The following PNPLA6 variants were observed in gnomAD, a reference collection of about 807,000 sequenced individuals.
The protein encoded by PNPLA6 is patatin like domain 6, lysophospholipase, also known as patatin-like phospholipase domain-containing protein 6.
A neutral mutation model predicts 153.7 loss-of-function variants in PNPLA6; 105 were observed. That is an observed-to-expected ratio of 0.68 (90% CI 0.58 to 0.80). The LOEUF is 0.80. PNPLA6 is among the 30% of genes least tolerant of loss of function. The probability of loss-of-function intolerance (pLI) is 0.00; values close to 1 mark genes in which losing one functional copy is unlikely to be tolerated. For synonymous variants in PNPLA6, 825 were observed against 822.2 expected (o/e 1.00, Z -0.06); for missense variants, 1,423 against 1,919.3 (o/e 0.74, Z 4.83).
Position 7,545,667 on chromosome 19 carries a change from C to T in PNPLA6, c.1608+2583C>T, listed in dbSNP as rs1259982197. On this transcript the variant is annotated intron_variant, in intron 13 of 31. Coordinates refer to ENST00000600737, the MANE Select transcript of PNPLA6 (RefSeq NM_001166114.2). ...TGGCTCACGCCTGTAATCCCAGCAC[C>T]TTGGGAGGCCGAGGTGAGAGGATCA... Among the ~76,000 whole-genome samples the T allele has an allele frequency of 3.3e-5, 5 of 151,764 alleles. No individual in the cohort carries two copies. In the East Asian group the frequency reaches 9.8e-4, roughly 30 times the overall value.
Position 7,541,102 on chromosome 19 carries a change from C to T in PNPLA6, c.924+51C>T. 2 of 1,579,770 alleles carry T rather than the reference C, an allele frequency of 1.3e-6. No individual in the cohort carries two copies. The highest frequency in any genetic ancestry group is 1.1e-5 in the South Asian group (1 of 87,540). ...CCCCCTGAGGGACCCCACCCTGGCC[C>T]CCACCCATTCCAGGCTCCAAGGGAC... On this transcript the variant is annotated intron_variant, in intron 7 of 31. Transcript: ENST00000600737. The surrounding 1 kb of genome is among the most constrained non-coding windows in gnomAD (Gnocchi z 5.2).
chr19:7,561,548 G>A lies in PNPLA6; in HGVS notation c.4084G>A (p.Ala1362Thr). Residue 1362 changes from alanine (A) to threonine (T), a missense_variant, in exon 32 of 32, where the codon GCC becomes ACC. By Grantham distance (58) the Ala-to-Thr change is moderately conservative (BLOSUM62 0). Around this residue, in one of 10 missense-constraint regions of PNPLA6, gnomAD observed 643 missense variants for 835.2 expected, o/e 0.77. Coordinates refer to ENST00000600737, the MANE Select transcript of PNPLA6 (RefSeq NM_001166114.2). The stretch of plus-strand genomic sequence containing the variant: ...TCTGCCCCAGGAGCCGCCCGGCTCA[G>A]CCACAGATGCCTGAGGACCTCGACA... ...RCLPQEPPGS[A>T]TDA is the part of the protein sequence containing the mutation. The A allele has an allele frequency of 6.2e-7, 1 of 1,603,962 alleles. No individual in the cohort carries two copies. The highest frequency in any genetic ancestry group is 8.5e-7 in the Non-Finnish European group (1 of 1,176,538).
chr19:7,551,207 C>A (rs879305751), intron 17 of PNPLA6, 100 bp downstream of exon 17: 5 of 444,162 alleles, frequency 1.1e-5, no homozygotes, highest in African/African-American at 3.2e-5. Context: ...GGGGCGGGGT[C>A]GAGGGAGGGG....
upstream of PNPLA6, chr19:7,535,605 G>T (rs779578694): frequency 6.3e-7 from 1 of 1,596,710 alleles, no homozygotes; most frequent in South Asian, 1.1e-5. This position sits in a 1 kb window ranked among gnomAD's most constrained non-coding sequence, Gnocchi z 5.0. Flanking sequence ...GACCGGGTAG[G>T]TGCCGGCGTG....
rs1414924319 is a variant in PNPLA6, at chr19:7,550,391, C to T, written c.1908C>T (p.Ile636=). 12 of 1,611,932 alleles carry T rather than the reference C, an allele frequency of 7.4e-6. No individual in the cohort carries two copies. The highest frequency in any genetic ancestry group is 1.7e-5 in the Admixed American group (1 of 60,020). The stretch of plus-strand genomic sequence containing the variant: ...TCGTGCGCCAGATGGACTTCGCCAT[C>T]GACTGGACTGCAGTGGAGGCGGGAC... ...SPFVRQMDFA[I]DWTAVEAGRA... Residue 636 remains isoleucine (I), a synonymous_variant, in exon 15 of 32, where the codon ATC becomes ATT. Coordinates refer to ENST00000600737, the MANE Select transcript of PNPLA6 (RefSeq NM_001166114.2).
intron 3 of PNPLA6, among the ~76,000 whole-genome samples, chr19:7,537,597 C>G (rs887107644): frequency 5.3e-5 from 8 of 152,152 alleles, no homozygotes; most frequent in Admixed American, 2.6e-4. Context: ...GGGCAGGGCT[C>G]TCCATGATCA....
At position 7,550,544 on chromosome 19, in the gene PNPLA6, C is replaced by A. The variant is rs1568416053; in HGVS notation, c.1974C>A (p.Tyr658Ter). ...AGGGCGACCGCTCCGACTGCACTTA[C>A]ATCGTGCTCAATGGGCGGCTGCGTA... ...YRQGDRSDCT[Y>*]IVLNGRLRSV... The change falls in exon 16 of 32, where the codon TAC (tyrosine) becomes TAA (stop). Residue 658 changes from tyrosine to a stop codon, truncating the protein, a stop_gained. Transcript: ENST00000600737. LOFTEE classifies it high-confidence loss of function. 6.2e-7 allele frequency: 1 copy of A among 1,613,282 alleles called. No homozygotes were observed. The highest frequency in any genetic ancestry group is 2.2e-5 in the East Asian group (1 of 44,870).
At chr19:7,549,688 C>A in intron 13 of PNPLA6, 1 of 590,800 alleles carries the variant, frequency 1.7e-6, no homozygotes, top group Non-Finnish European at 3.0e-6. Flanking sequence ...GGTTTCGCCA[C>A]GTTGGCCAGG....
chr19:7,549,191 C>CT (rs144394695), intron 13 of PNPLA6, among the ~76,000 whole-genome samples: 185 of 138,850 alleles, frequency 1.3e-3, no homozygotes, highest in Non-Finnish European at 2.1e-3. Context: ...TCTTTTTTTT[C>CT]TTTTTTTTTT....
chr19:7,554,761 G>A lies in PNPLA6; in HGVS notation c.2634+38G>A, dbSNP rs599328. Reference sequence around the variant, plus strand: ...TGCCCCCTGATCTCACCCACCTCGGGTCCCGTCCTTTGCCCTCCCGTGCCT... The same window carrying A: ...TGCCCCCTGATCTCACCCACCTCGGATCCCGTCCTTTGCCCTCCCGTGCCT... On this transcript the variant is annotated intron_variant, in intron 21 of 31. Transcript: ENST00000600737. 0.012 allele frequency: 19,509 copies of A among 1,604,360 alleles called. 1,897 individuals carry two copies. In the African/African-American group the frequency reaches 0.22, roughly 18 times the overall value.
intron 16 of PNPLA6, 177 bp downstream of exon 16, chr19:7,550,817 C>G (rs1053319543): frequency 8.4e-6 from 8 of 949,946 alleles, no homozygotes; most frequent in Non-Finnish European, 1.1e-5. Flanking sequence ...TTCCGCCTGT[C>G]GTGGATCCCT....
intron 13 of PNPLA6, among the ~76,000 whole-genome samples, chr19:7,546,804 C>T (rs905528023): frequency 3.3e-5 from 5 of 152,076 alleles, no homozygotes; most frequent in African/African-American, 1.2e-4. Flanking sequence ...CTCCTGGGCT[C>T]AAGTGATCCT....
chr19:7,554,585 G>A lies in PNPLA6; in HGVS notation c.2496G>A (p.Leu832=). Residue 832 remains leucine, a synonymous_variant, in exon 21 of 32, where the codon CTG becomes CTA. Coordinates refer to ENST00000600737, the MANE Select transcript of PNPLA6 (RefSeq NM_001166114.2). The stretch of plus-strand genomic sequence containing the variant: ...AAGAGTTCCGGCTGTCAGGGTGGCT[G>A]GCCCAGCAGGAGGATGCACACCGTA... ...SIQEFRLSGW[L]AQQEDAHRIV... The A allele has an allele frequency of 6.2e-7, 1 of 1,614,080 alleles. No homozygotes were observed. The highest frequency in any genetic ancestry group is 8.5e-7 in the Non-Finnish European group (1 of 1,180,008).
At chr19:7,557,513 G>T (rs2023935342) in intron 27 of PNPLA6, 3 of 577,286 alleles carry the variant, frequency 5.2e-6, no homozygotes, top group African/African-American at 3.7e-5. Context: ...GCCAGGCGCG[G>T]TGGCTCAGCC....
chr19:7,549,247 C>T (rs1195450745), intron 13 of PNPLA6, among the ~76,000 whole-genome samples: 6 of 147,710 alleles, frequency 4.1e-5, no homozygotes, highest in Non-Finnish European at 7.4e-5. Context: ...AGTGCAGTGG[C>T]GCGATCTTGG....
Position 7,550,140 on chromosome 19 carries a change from G to T in PNPLA6, c.1814+28G>T. ...ATGACAGCCCGAAGTTGGAGTGTGGGTGGCACTCGGAGGACCCCAACCCGT... is the reference window on the plus strand; with the variant it reads ...ATGACAGCCCGAAGTTGGAGTGTGGTTGGCACTCGGAGGACCCCAACCCGT... On this transcript the variant is annotated intron_variant, in intron 14 of 31. Coordinates refer to ENST00000600737, the MANE Select transcript of PNPLA6 (RefSeq NM_001166114.2). The T allele has an allele frequency of 1.9e-6, 3 of 1,612,616 alleles. No individual in the cohort carries two copies. In the South Asian group the frequency reaches 3.3e-5, roughly 18 times the overall value.
In PNPLA6 at chr19:7,535,761, G is replaced by C; in HGVS notation, c.-28G>C. The C allele has an allele frequency of 3.9e-6, 6 of 1,521,728 alleles. No individual in the cohort carries two copies. Among genetic ancestry groups the C allele is most frequent in the Non-Finnish European group, 5.3e-6 (6 of 1,135,154 alleles). The allele number at this position is 1,521,728 out of a possible 1,614,324, so 94.3% of individuals were successfully genotyped here. A position where few individuals can be genotyped will look rare whatever the true frequency, so the allele number is the denominator to read the frequency against. ...CTCAGGGAAGAGTCGCGCCCCCGGG[G>C]AGGGAGCAGCACTGGCCCATTCTGC... is the stretch of plus-strand genomic sequence containing the variant. On this transcript the variant is annotated 5_prime_UTR_variant, in exon 1 of 32. Transcript: ENST00000600737. This position sits in a 1 kb window ranked among gnomAD's most constrained non-coding sequence, Gnocchi z 5.0.
chr19:7,560,956 CA>C, intron 29 of PNPLA6, 57 bp from the exon 30 acceptor site: 2 of 1,099,152 alleles, frequency 1.8e-6, no homozygotes, highest in Middle Eastern at 3.9e-4. Context: ...CTGGGCCCCC[CA>C]GGGGCCCCAA....
Position 7,541,179 on chromosome 19 carries a change from G to A in PNPLA6, c.924+128G>A. On this transcript the variant is annotated intron_variant, in intron 7 of 31. Coordinates refer to ENST00000600737, the MANE Select transcript of PNPLA6 (RefSeq NM_001166114.2). The surrounding 1 kb of genome is among the most constrained non-coding windows in gnomAD (Gnocchi z 5.2). ...GAGCTGTGGTTATCGGCCTGGAGCA[G>A]CCAGATGTCTGCAGCCGCGGACTCC... is the stretch of plus-strand genomic sequence containing the variant. 1 of 1,236,980 alleles carries A rather than the reference G, an allele frequency of 8.1e-7. No individual in the cohort carries two copies. The highest frequency in any genetic ancestry group is 1.2e-6 in the Non-Finnish European group (1 of 864,998). 76.6% of individuals were successfully genotyped at this position (1,236,980 alleles called of 1,614,324 possible).
Sources: allele counts gnomAD v4.1 joint callset (sites outside exome capture counted in the v4.1 genomes callset), GRCh38; gene constraint gnomAD v4.1.1; regional missense constraint gnomAD v4.1.1; non-coding constraint Gnocchi (gnomAD v3.1); transcripts MANE v1.5; gene names NCBI Gene and HGNC (gene_info 2026-07-23, HGNC 2026-07-21).